Variants in DST observed in about 807,000 individuals in gnomAD.
DST encodes bullous pemphigoid antigen.
In DST, 253 loss-of-function variants were observed where a neutral mutation model predicts 875.2. The observed-to-expected ratio is 0.29, with a 90% CI of 0.26 to 0.32. The LOEUF (loss-of-function observed/expected upper bound fraction) is 0.32. DST is among the 10% of genes least tolerant of loss of function. DST has a pLI of 1.00. For synonymous variants in DST, 3,124 were observed against 3,197.1 expected (o/e 0.98, Z 0.77); for missense variants, 8,287 against 9,111.6 (o/e 0.91, Z 3.68).
At chr6:56,722,368 G>GTTTA (rs1554672067) in intron 5 of DST, among the ~76,000 whole-genome samples, 18,137 of 150,610 alleles carry the variant, frequency 0.12, 1,142 homozygotes, top group Middle Eastern at 0.19. Context: ...GTACATGTTT[G>GTTTA]TTTATTTATT....
At chr6:56,583,666 T>C (rs2098078155) in intron 49 of DST, among the ~76,000 whole-genome samples, 1 of 152,254 alleles carries the variant, frequency 6.6e-6, no homozygotes, top group Non-Finnish European at 1.5e-5. Flanking sequence ...CATGAAGTCC[T>C]TGCCCATGCC....
chr6:56,732,527 G>A (rs1365831239), intron 5 of DST, among the ~76,000 whole-genome samples: 3 of 151,936 alleles, frequency 2.0e-5, no homozygotes, highest in Admixed American at 1.3e-4. Context: ...AAACTGTATC[G>A]AAGAGCAAAA....
chr6:56,832,222 T>C (rs1411355230), intron 4 of DST, among the ~76,000 whole-genome samples: 1 of 152,196 alleles, frequency 6.6e-6, no homozygotes, highest in Non-Finnish European at 1.5e-5. Context: ...CTGACATATT[T>C]TGGCCAAATC....
intron 4 of DST, among the ~76,000 whole-genome samples, chr6:56,758,808 C>T (rs556093030): frequency 4.5e-4 from 68 of 152,258 alleles, no homozygotes; most frequent in African/African-American, 1.5e-3. Flanking sequence ...CTAAAAGCAA[C>T]GGACCCAGCA....
intron 9 of DST, among the ~76,000 whole-genome samples, chr6:56,690,454 C>G (rs1563697990): frequency 6.6e-6 from 1 of 152,112 alleles, no homozygotes; most frequent in Non-Finnish European, 1.5e-5. Context: ...GAAGACCACT[C>G]TAGGTCAGCA....
chr6:56,733,026 C>T (rs1044127582), intron 5 of DST, among the ~76,000 whole-genome samples: 1 of 152,156 alleles, frequency 6.6e-6, no homozygotes, highest in Non-Finnish European at 1.5e-5. Flanking sequence ...CCAAAAGCTG[C>T]CAACCTTTCA....
Position 56,610,541 on chromosome 6 carries a change from A to C in DST, c.5169T>G (p.Asn1723Lys). 1 of 1,573,266 alleles carries C rather than the reference A, an allele frequency of 6.4e-7. No homozygotes were observed. Among genetic ancestry groups the C allele is most frequent in the Non-Finnish European group, 8.6e-7 (1 of 1,160,806 alleles). The change falls in exon 39 of 104, where the codon AAT becomes AAG. Residue 1723 changes from asparagine (N) to lysine (K), a missense_variant. Asn to Lys is a moderately conservative substitution (Grantham distance 94). Around this residue, in one of 10 missense-constraint regions of DST, gnomAD observed 3,138 missense variants for 3,116.6 expected, o/e 1.01. Transcript: ENST00000680361. ...HGDKMTDEER[N>K]ELEKQVKTLQ... Reference sequence around the variant, plus strand: ...GAGTTTTCACTTGTTTTTCCAATTCATTTCTTTCTTCATCTGTCATTCTAA... The same window carrying C: ...GAGTTTTCACTTGTTTTTCCAATTCCTTTCTTTCTTCATCTGTCATTCTAA...
At chr6:56,854,273 T>C (rs1189233496) in intron 3 of DST, among the ~76,000 whole-genome samples, 2 of 152,062 alleles carry the variant, frequency 1.3e-5, no homozygotes, top group Non-Finnish European at 2.9e-5. Flanking sequence ...AAATATGTTC[T>C]CTCACCCAAA....
intron 101 of DST, 96 bp downstream of exon 101, chr6:56,463,469 G>T: frequency 1.7e-6 from 2 of 1,159,346 alleles, no homozygotes; most frequent in Non-Finnish European, 2.4e-6. Flanking sequence ...GAGATAGCTG[G>T]TCCTACAAAT....
At chr6:56,651,505 AAT>A (rs2098975611) in intron 10 of DST, among the ~76,000 whole-genome samples, 1 of 152,218 alleles carries the variant, frequency 6.6e-6, no homozygotes, top group African/African-American at 2.4e-5. Flanking sequence ...TCATAGTCAG[AAT>A]ATATATGAGT....
chr6:56,689,670 A>T (rs2099214508), intron 9 of DST, among the ~76,000 whole-genome samples: 1 of 152,146 alleles, frequency 6.6e-6, no homozygotes, highest in Non-Finnish European at 1.5e-5. Context: ...GACCCTTAGA[A>T]TCACCTACAG....
chr6:56,556,522 C>T (rs1403360662), intron 59 of DST, among the ~76,000 whole-genome samples: 1 of 152,004 alleles, frequency 6.6e-6, no homozygotes, highest in Non-Finnish European at 1.5e-5. Flanking sequence ...TTATTTCTCC[C>T]CAGATATTTA....
rs2096803853 is a variant in DST, at chr6:56,526,683, CCCCCT to C, written c.17923-121_17923-117del. Reference sequence around the variant, plus strand: ...ATAATGTGATGCTTTGCCCCACTCCCCCCCTCCCTTAGTTTCAGTCGAGTTAAATA... The same window carrying C: ...ATAATGTGATGCTTTGCCCCACTCCCCCCTTAGTTTCAGTCGAGTTAAATA... On this transcript the variant is annotated intron_variant, in intron 68 of 103. Coordinates refer to ENST00000680361, the MANE Select transcript of DST (RefSeq NM_001374736.1). 8 of 862,550 alleles carry C rather than the reference CCCCCT, an allele frequency of 9.3e-6. No individual in the cohort carries two copies. In the East Asian group the frequency reaches 2.0e-4, roughly 22 times the overall value. The allele number at this position is 862,550 out of a possible 1,614,324, so 53.4% of individuals were successfully genotyped here. A position where few individuals can be genotyped will look rare whatever the true frequency, so the allele number is the denominator to read the frequency against.
At chr6:56,884,950 T>C (rs1469211360) in intron 3 of DST, among the ~76,000 whole-genome samples, 1 of 152,176 alleles carries the variant, frequency 6.6e-6, no homozygotes, top group Non-Finnish European at 1.5e-5. Context: ...CAGGATGGTC[T>C]CGATCTCCTG....
rs887037044 is a variant in DST at position 56,543,918 on chromosome 6, TTCAA to T, written c.16609-6982_16609-6979del. Among the ~76,000 whole-genome samples the T allele has an allele frequency of 2.8e-3, 420 of 152,188 alleles. 1 individual carries two copies. The highest frequency in any genetic ancestry group is 9.3e-3 in the African/African-American group (387 of 41,532). ...GAAAACTCTATCGGTAACTCATCCA[TTCAA>T]CAATTATTAGATTATTAGATGCAAC... On this transcript the variant is annotated intron_variant, in intron 61 of 103. Transcript: ENST00000680361.
intron 61 of DST, among the ~76,000 whole-genome samples, chr6:56,551,059 C>T (rs2097313735): frequency 6.6e-6 from 1 of 152,176 alleles, no homozygotes; most frequent in South Asian, 2.1e-4. Flanking sequence ...CTTTGTGAGC[C>T]TTGAAGGAAC....
intron 9 of DST, among the ~76,000 whole-genome samples, chr6:56,697,159 AT>A (rs781683059): frequency 1.1e-4 from 17 of 151,914 alleles, no homozygotes; most frequent in Non-Finnish European, 1.9e-4. Context: ...CTGTTTCGTA[AT>A]CTCTCAGGCT....
rs752140580 is a variant in DST at position 56,497,541 on chromosome 6, A to G, written c.20095-34T>C. ...ATAGGCAGTTTTAAGTTGGGGCCATAAACACTGTCAGTTTCAAGCAGGAAA... is the reference window on the plus strand; with the variant it reads ...ATAGGCAGTTTTAAGTTGGGGCCATGAACACTGTCAGTTTCAAGCAGGAAA... On this transcript the variant is annotated intron_variant, in intron 81 of 103. Transcript: ENST00000680361. The G allele has an allele frequency of 2.1e-5, 34 of 1,605,188 alleles. No homozygotes were observed. In the African/African-American group the frequency reaches 4.3e-4, roughly 20 times the overall value.
intron 3 of DST, among the ~76,000 whole-genome samples, chr6:56,886,042 T>C (rs746068761): frequency 1.3e-5 from 2 of 152,166 alleles, no homozygotes; most frequent in Admixed American, 1.3e-4. Flanking sequence ...TAGACCAAAG[T>C]GGACTTGCCA....
Sources: gnomAD v4.1 joint callset for allele counts (sites outside exome capture counted in the v4.1 genomes callset) on GRCh38, gnomAD v4.1.1 for gene constraint, gnomAD v4.1.1 regional missense constraint, MANE v1.5 for transcripts, NCBI Gene and HGNC (gene_info 2026-07-23, HGNC 2026-07-21) for gene names.